Variants in ATP13A3 observed in about 807,000 individuals in gnomAD.
The protein encoded by ATP13A3 is ATPase 13A3, also known as polyamine-transporting ATPase 13A3.
In ATP13A3, 59 loss-of-function variants were observed where a neutral mutation model predicts 158.1. That is an observed-to-expected ratio of 0.37 (90% CI 0.30 to 0.46). The LOEUF (loss-of-function observed/expected upper bound fraction) is 0.46, where lower values mean the gene tolerates loss of function less well. Ranked by LOEUF, ATP13A3 falls within the 20% of genes least tolerant of loss-of-function variation. The pLI is 1.00. For missense variants in ATP13A3, 1,166 were observed against 1,525.2 expected (o/e 0.76, Z 3.92); for synonymous variants, 491 against 504.3 (o/e 0.97, Z 0.35).
chr3:194,475,254 T>G (rs1720476519), intron 2 of ATP13A3, among the ~76,000 whole-genome samples: 1 of 152,228 alleles, frequency 6.6e-6, no homozygotes, highest in African/African-American at 2.4e-5. Flanking sequence ...TTCTGTATGG[T>G]TCACTTCAGA....
In ATP13A3 at chr3:194,454,438, CCATA is replaced by C. The variant is rs762711733; in HGVS notation, c.631-50_631-47del. 11 of 1,521,328 alleles carry C rather than the reference CCATA, an allele frequency of 7.2e-6. No individual in the cohort carries two copies. In the African/African-American group the frequency reaches 1.5e-4, roughly 21 times the overall value. 94.2% of individuals were successfully genotyped at this position (1,521,328 alleles called of 1,614,324 possible). On this transcript the variant is annotated intron_variant, in intron 8 of 33. Coordinates refer to ENST00000645319, the MANE Select transcript of ATP13A3 (RefSeq NM_001367549.1). The stretch of plus-strand genomic sequence containing the variant: ...GTCAAACTGAATGAGGTATTAATGA[CCATA>C]CAGATTGTCCATCTTTTCATTTGAC...
At chr3:194,430,702 T>C (rs28460114) in intron 24 of ATP13A3, among the ~76,000 whole-genome samples, 2 of 152,218 alleles carry the variant, frequency 1.3e-5, no homozygotes, top group Non-Finnish European at 2.9e-5. Context: ...TCTATCAAGA[T>C]AGAGCACCTG....
chr3:194,432,699 T>C (rs1036655052), intron 21 of ATP13A3, among the ~76,000 whole-genome samples: 2 of 152,168 alleles, frequency 1.3e-5, no homozygotes, highest in Non-Finnish European at 2.9e-5. Context: ...TACGGTAAAA[T>C]TATGTTATTA....
At position 194,486,770 on chromosome 3, in the gene ATP13A3, G is replaced by A. The variant is rs1291335124; in HGVS notation, c.-293C>T. The A allele has an allele frequency of 1.3e-5, 2 of 151,142 alleles. No homozygotes were observed. Among genetic ancestry groups the A allele is most frequent in the African/African-American group, 4.8e-5 (2 of 41,266 alleles). 9.4% of individuals were successfully genotyped at this position (151,142 alleles called of 1,614,324 possible). ...GCCGCGGCGGGGCCGGGCCGGCCCT[G>A]GGACGTCCGCGCTCTCCTCCTCCTC... On this transcript the variant is annotated 5_prime_UTR_variant, in exon 1 of 34. Coordinates refer to ENST00000645319, the MANE Select transcript of ATP13A3 (RefSeq NM_001367549.1).
rs1719116078 is a variant in ATP13A3 at position 194,454,947 on chromosome 3, T to C, written c.631-555A>G. ...TCCATTTAGATTCATACCATCCAAATATAGATTCAGCTAGAAAAGGCTAGT... is the reference window on the plus strand; with the variant it reads ...TCCATTTAGATTCATACCATCCAAACATAGATTCAGCTAGAAAAGGCTAGT... On this transcript the variant is annotated intron_variant, in intron 8 of 33. Transcript: ENST00000645319. Among the ~76,000 whole-genome samples the C allele has an allele frequency of 1.3e-5, 2 of 152,188 alleles. 1 individual carries two copies. Among genetic ancestry groups the C allele is most frequent in the Admixed American group, 1.3e-4 (2 of 15,280 alleles).
At chr3:194,487,094 G>GA (rs1009071675), upstream of ATP13A3, 1 of 151,814 alleles carries the variant, frequency 6.6e-6, no homozygotes, top group African/African-American at 2.4e-5. Context: ...AAGGGGCGGG[G>GA]AGGGGCGGGG....
At chr3:194,445,310 G>C (rs1718329278) in intron 14 of ATP13A3, among the ~76,000 whole-genome samples, 1 of 152,128 alleles carries the variant, frequency 6.6e-6, no homozygotes, top group South Asian at 2.1e-4. Flanking sequence ...ATCCCTATTT[G>C]GATTCTGACT....
chr3:194,430,845 A>C, intron 24 of ATP13A3, 98 bp downstream of exon 24: 1 of 842,260 alleles, frequency 1.2e-6, no homozygotes, highest in Middle Eastern at 3.1e-4. Flanking sequence ...ATAAATATGA[A>C]ATATTAGTAT....
chr3:194,462,029 G>C lies in ATP13A3; in HGVS notation c.51+111C>G, dbSNP rs1351868420. On this transcript the variant is annotated intron_variant, in intron 3 of 33. Transcript: ENST00000645319. ...CACAGGATGAAGAAAGAAGCCCATT[G>C]AGTTAGCTGCTGCCGCCACTGTTGT... 4.2e-6 allele frequency: 4 copies of C among 957,926 alleles called. No homozygotes were observed. In the East Asian group the frequency reaches 7.7e-5, roughly 19 times the overall value. The allele number at this position is 957,926 out of a possible 1,614,324, so 59.3% of individuals were successfully genotyped here.
chr3:194,433,724 A>G (rs1267965755), intron 21 of ATP13A3, 48 bp downstream of exon 21: 1 of 1,604,838 alleles, frequency 6.2e-7, no homozygotes, highest in African/African-American at 1.3e-5. Flanking sequence ...ATATAACTTC[A>G]GCTCTGTCAC....
intron 33 of ATP13A3, among the ~76,000 whole-genome samples, chr3:194,411,473 A>G (rs886074726): frequency 6.6e-6 from 1 of 152,244 alleles, no homozygotes; most frequent in Non-Finnish European, 1.5e-5. Context: ...GGTTTAAAAA[A>G]TAAGTCCAAT....
At position 194,425,401 on chromosome 3, in the gene ATP13A3, A is replaced by C; in HGVS notation, c.3254T>G (p.Leu1085Arg). 6.2e-7 allele frequency: 1 copy of C among 1,613,432 alleles called. No individual in the cohort carries two copies. Among genetic ancestry groups the C allele is most frequent in the Non-Finnish European group, 8.5e-7 (1 of 1,179,688 alleles). The change falls in exon 30 of 34, where the codon CTC becomes CGC. Residue 1085 changes from leucine to arginine, a missense_variant. Leu to Arg is a moderately radical substitution (Grantham distance 102). This residue lies in a region of ATP13A3 where 997 missense variants were observed against 1,341.2 expected (regional missense o/e 0.74). Coordinates refer to ENST00000645319, the MANE Select transcript of ATP13A3 (RefSeq NM_001367549.1). ...TVFFISSFQYLIVAIAFSKGK... is the reference protein window; with the variant it reads ...TVFFISSFQYRIVAIAFSKGK... Reference sequence around the variant, plus strand: ...TTTTGAAAAGGCAATTGCCACTATGAGGTACTGAAAACTGGAAATAAAAAA... The same window carrying C: ...TTTTGAAAAGGCAATTGCCACTATGCGGTACTGAAAACTGGAAATAAAAAA...
chr3:194,494,011 C>T lies in ATP13A3; in HGVS notation n.746+39G>A, dbSNP rs1324939164. On this transcript the variant is annotated intron_variant and non_coding_transcript_variant, in intron 2 of 32. Transcript: ENST00000687055. The surrounding 1 kb of genome is among the most constrained non-coding windows in gnomAD (Gnocchi z 4.2). ...CAAATTGAGGAAAGCTTAAAAATCCCATTTTACAGAATGGAAAAAGAGGTG... is the reference window on the plus strand; with the variant it reads ...CAAATTGAGGAAAGCTTAAAAATCCTATTTTACAGAATGGAAAAAGAGGTG... 7.6e-6 allele frequency: 3 copies of T among 396,602 alleles called. No individual in the cohort carries two copies. Among genetic ancestry groups the T allele is most frequent in the Admixed American group, 4.4e-5 (1 of 22,666 alleles). 24.6% of individuals were successfully genotyped at this position (396,602 alleles called of 1,614,324 possible). A position where few individuals can be genotyped will look rare whatever the true frequency, so the allele number is the denominator to read the frequency against.
chr3:194,433,804 T>C lies in ATP13A3; in HGVS notation c.2213A>G (p.His738Arg), dbSNP rs769171357. The C allele has an allele frequency of 3.1e-6, 5 of 1,614,176 alleles. No individual in the cohort carries two copies. In the Admixed American group the frequency reaches 6.7e-5, roughly 22 times the overall value. ...QETPAVLEDL[H>R]KANIRTVMVT... ...CATGACGGTGCGAATGTTGGCTTTA[T>C]GCAAATCTTCAAGTACTGCAGGGGT... The change falls in exon 21 of 34, where the codon CAT (histidine) becomes CGT (arginine). Residue 738 changes from histidine (H) to arginine (R), a missense_variant. Transcript: ENST00000645319.
rs763790058 is a variant in ATP13A3, at chr3:194,462,180, T to G, written c.11A>C (p.Glu4Ala). The G allele has an allele frequency of 6.2e-7, 1 of 1,613,964 alleles. No individual in the cohort carries two copies. Among genetic ancestry groups the G allele is most frequent in the South Asian group, 1.1e-5 (1 of 91,076 alleles). ...ACCCTGATTGATGGTCTTCCTTTCT[T>G]CCCTGTCCATACCTACAGTGGATTA... MDR[E>A]ERKTINQGQE... is the part of the protein sequence containing the mutation. The change falls in exon 3 of 34, where the codon GAA (glutamate) becomes GCA (alanine). Residue 4 changes from glutamate to alanine, a missense_variant. Glu to Ala is a moderately radical substitution (Grantham distance 107). Around this residue, in one of 3 missense-constraint regions of ATP13A3, gnomAD observed 65 missense variants for 92.4 expected, o/e 0.70. Transcript: ENST00000645319.
chr3:194,428,231 A>AAAAGAAAG (rs1553797768), intron 28 of ATP13A3, among the ~76,000 whole-genome samples: 1 of 141,792 alleles, frequency 7.1e-6, no homozygotes, highest in African/African-American at 2.8e-5. Flanking sequence ...AAAAAAAAAA[A>AAAAGAAAG]AAAAAAGAAA....
intron 16 of ATP13A3, among the ~76,000 whole-genome samples, 196 bp from the exon 17 acceptor site, chr3:194,439,168 G>A (rs1215590053): frequency 3.9e-5 from 6 of 152,188 alleles, no homozygotes; most frequent in Non-Finnish European, 5.9e-5. Flanking sequence ...CAAAGATGGT[G>A]AGTTAGATAC....
At chr3:194,410,458 C>G (rs970434546) in intron 33 of ATP13A3, among the ~76,000 whole-genome samples, 8 of 151,950 alleles carry the variant, frequency 5.3e-5, no homozygotes, top group African/African-American at 1.7e-4. Context: ...ATGCCAGCTA[C>G]CCGGGAGGCT....
chr3:194,420,340 C>T (rs1187699634), intron 30 of ATP13A3: 1 of 154,712 alleles, frequency 6.5e-6, no homozygotes, highest in African/African-American at 2.4e-5. Flanking sequence ...AGAGACTAAA[C>T]TATGTGTGGC....
Sources: allele counts gnomAD v4.1 joint callset (sites outside exome capture counted in the v4.1 genomes callset), GRCh38; gene constraint gnomAD v4.1.1; regional missense constraint gnomAD v4.1.1; non-coding constraint Gnocchi (gnomAD v3.1); transcripts MANE v1.5; gene names NCBI Gene and HGNC (gene_info 2026-07-23, HGNC 2026-07-21).